Variants in PTPRD observed in about 807,000 individuals in gnomAD.
PTPRD encodes the protein protein tyrosine phosphatase receptor type D.
Under a neutral mutation model 214.5 loss-of-function variants are expected in PTPRD, and 34 were observed. That is an observed-to-expected ratio of 0.16 (90% CI 0.12 to 0.21). The LOEUF (loss-of-function observed/expected upper bound fraction) is 0.21. PTPRD is among the 10% of genes least tolerant of loss of function. The probability of loss-of-function intolerance (pLI) is 1.00; values close to 1 mark genes in which losing one functional copy is unlikely to be tolerated. For synonymous variants in PTPRD, 1,128 were observed against 845.7 expected (o/e 1.33, Z -5.79); for missense variants, 2,545 against 2,398.7 (o/e 1.06, Z -1.27).
chr9:9,794,766 T>G (rs2098991500), intron 5 of PTPRD, among the ~76,000 whole-genome samples: 1 of 152,218 alleles, frequency 6.6e-6, no homozygotes, highest in Non-Finnish European at 1.5e-5. Context: ...CTGTAGTAAG[T>G]AACTCAAACT....
intron 34 of PTPRD, among the ~76,000 whole-genome samples, chr9:8,436,941 C>T (rs1463660796): frequency 2.6e-5 from 4 of 152,132 alleles, no homozygotes; most frequent in Admixed American, 6.6e-5. Context: ...TAAAAGAAAG[C>T]GTTATTGTGC....
At chr9:9,536,874 T>G (rs994132600) in intron 8 of PTPRD, among the ~76,000 whole-genome samples, 3 of 152,174 alleles carry the variant, frequency 2.0e-5, no homozygotes, top group Middle Eastern at 3.4e-3. Flanking sequence ...AGAGAAAAGT[T>G]TGGCATATCC....
At chr9:8,737,885 G>A (rs2090870630) in intron 11 of PTPRD, among the ~76,000 whole-genome samples, 1 of 152,122 alleles carries the variant, frequency 6.6e-6, no homozygotes, top group African/African-American at 2.4e-5. Flanking sequence ...TCCTGACCTT[G>A]TGATCCGCTC....
intron 11 of PTPRD, among the ~76,000 whole-genome samples, chr9:8,755,777 TACAC>T (rs1487682213): frequency 2.0e-5 from 3 of 152,146 alleles, no homozygotes; most frequent in South Asian, 4.1e-4. Context: ...AAGTCAAAGT[TACAC>T]ACAAAGTAGA....
At chr9:9,886,053 C>G (rs1205095776) in intron 5 of PTPRD, among the ~76,000 whole-genome samples, 1 of 151,632 alleles carries the variant, frequency 6.6e-6, no homozygotes, top group Non-Finnish European at 1.5e-5. Context: ...AACCTTTGGA[C>G]TCCTGAACTG....
At chr9:9,556,739 A>G (rs961811133) in intron 8 of PTPRD, among the ~76,000 whole-genome samples, 1 of 152,220 alleles carries the variant, frequency 6.6e-6, no homozygotes, top group Admixed American at 6.5e-5. Context: ...ATCAAGTTAC[A>G]TCCAAACTTC....
intron 10 of PTPRD, among the ~76,000 whole-genome samples, chr9:9,121,475 A>G (rs1225494561): frequency 1.3e-5 from 2 of 152,230 alleles, no homozygotes; most frequent in Non-Finnish European, 2.9e-5. Context: ...TATACACGAT[A>G]GAATACTACT....
intron 9 of PTPRD, among the ~76,000 whole-genome samples, chr9:9,316,143 C>A (rs556360302): frequency 5.3e-5 from 8 of 151,856 alleles, no homozygotes; most frequent in African/African-American, 1.7e-4. Flanking sequence ...CATCTTATAC[C>A]ACTATAAAGT....
chr9:9,024,011 T>A (rs1289937862), intron 10 of PTPRD, among the ~76,000 whole-genome samples: 1 of 151,864 alleles, frequency 6.6e-6, no homozygotes, highest in Non-Finnish European at 1.5e-5. Flanking sequence ...TAAAAATAAT[T>A]TAATATAATC....
chr9:9,883,966 CCTT>C (rs2069795534), intron 5 of PTPRD, among the ~76,000 whole-genome samples: 1 of 152,094 alleles, frequency 6.6e-6, no homozygotes, highest in Non-Finnish European at 1.5e-5. Context: ...GACATTTCTT[CCTT>C]TTTTTTAAAG....
intron 9 of PTPRD, among the ~76,000 whole-genome samples, chr9:9,294,940 T>G (rs547680018): frequency 1.3e-5 from 2 of 151,716 alleles, no homozygotes; most frequent in East Asian, 3.9e-4. Context: ...AAGTTTTAAG[T>G]GAAATATTAG....
At chr9:8,536,756 C>T (rs1036411054) in intron 14 of PTPRD, among the ~76,000 whole-genome samples, 1 of 151,954 alleles carries the variant, frequency 6.6e-6, no homozygotes, top group African/African-American at 2.4e-5. Flanking sequence ...TATAAGTAGA[C>T]CTAACATATC....
At chr9:9,021,399 T>C (rs1299884438) in intron 10 of PTPRD, among the ~76,000 whole-genome samples, 3 of 152,166 alleles carry the variant, frequency 2.0e-5, no homozygotes, top group Non-Finnish European at 4.4e-5. Context: ...GTAATTGCAG[T>C]TTTTGCCATT....
At chr9:10,140,371 AAGAG>A (rs919702228) in intron 3 of PTPRD, among the ~76,000 whole-genome samples, 8 of 152,082 alleles carry the variant, frequency 5.3e-5, no homozygotes, top group Non-Finnish European at 8.8e-5. Context: ...TAAAGAAAAA[AAGAG>A]AGAAGAATCA....
intron 5 of PTPRD, among the ~76,000 whole-genome samples, chr9:9,826,731 T>G (rs756960831): frequency 2.0e-5 from 3 of 151,832 alleles, no homozygotes; most frequent in Non-Finnish European, 2.9e-5. Context: ...CAATTTGACT[T>G]CTTCATGATT....
At chr9:10,446,297 T>C (rs1188908032) in intron 2 of PTPRD, among the ~76,000 whole-genome samples, 4 of 150,458 alleles carry the variant, frequency 2.7e-5, no homozygotes. Context: ...ATGAAGAGAG[T>C]AGGAAAGGTC....
At chr9:10,028,314 T>C (rs1277326081) in intron 4 of PTPRD, among the ~76,000 whole-genome samples, 1 of 152,188 alleles carries the variant, frequency 6.6e-6, no homozygotes, top group Non-Finnish European at 1.5e-5. Flanking sequence ...GATCTCTTTA[T>C]CACCAGTGTG....
chr9:8,820,962 T>C lies in PTPRD; in HGVS notation c.-103-87016A>G, dbSNP rs1053529280. On this transcript the variant is annotated intron_variant, in intron 11 of 45. Transcript: ENST00000381196. ...TTTAAGTTATCAAACACAGTCCCAA[T>C]TCAGAAATTAGAGTGCCCAGTTCAG... Among the ~76,000 whole-genome samples, 5 of 152,172 alleles carry C rather than the reference T, an allele frequency of 3.3e-5. No homozygotes were observed. In the East Asian group the frequency reaches 9.6e-4, roughly 29 times the overall value.
At chr9:8,827,452 C>G (rs1027831811) in intron 11 of PTPRD, among the ~76,000 whole-genome samples, 1 of 151,924 alleles carries the variant, frequency 6.6e-6, no homozygotes, top group Non-Finnish European at 1.5e-5. Context: ...ACTAAAAATA[C>G]AAAAATTAGC....
Sources: gnomAD v4.1 joint callset for allele counts (sites outside exome capture counted in the v4.1 genomes callset) on GRCh38, gnomAD v4.1.1 for gene constraint, MANE v1.5 for transcripts, NCBI Gene and HGNC (gene_info 2026-07-23, HGNC 2026-07-21) for gene names.